SHOC1: variants seen among roughly 807,000 people sequenced by gnomAD.
SHOC1 encodes shortage in chiasmata 1.
SHOC1 carries 136 observed loss-of-function variants against 179.2 expected under a neutral mutation model. That is an observed-to-expected ratio of 0.76 (90% CI 0.66 to 0.87). SHOC1 has a LOEUF of 0.87. Ranked by LOEUF, SHOC1 falls within the 40% of genes least tolerant of loss-of-function variation. The pLI is 0.00. For synonymous variants in SHOC1, 489 were observed against 586.6 expected, an observed-to-expected ratio of 0.83 and a Z score of 2.41; for missense variants, 1,538 against 1,700.8, an observed-to-expected ratio of 0.90 and a Z score of 1.68.
chr9:111,770,545 TA>T (rs1835560463), intron 5 of SHOC1, among the ~76,000 whole-genome samples: 1 of 152,168 alleles, frequency 6.6e-6, no homozygotes, highest in South Asian at 2.1e-4. Context: ...AAATGTTCTG[TA>T]AATGTTAGTT....
intron 14 of SHOC1, 129 bp downstream of exon 14, chr9:111,723,663 G>T: frequency 1.1e-6 from 1 of 920,592 alleles, no homozygotes; most frequent in Non-Finnish European, 1.7e-6. Context: ...TTGAAAGTAG[G>T]AGTGGAATGA....
intron 18 of SHOC1, 82 bp downstream of exon 18, chr9:111,713,018 A>C: frequency 3.4e-6 from 3 of 874,356 alleles, no homozygotes; most frequent in Middle Eastern, 2.2e-4. Flanking sequence ...TTATGTCTTA[A>C]TTTTAAAAGC....
At chr9:111,782,216 T>TA (rs1564169354) in intron 3 of SHOC1, among the ~76,000 whole-genome samples, 1 of 151,626 alleles carries the variant, frequency 6.6e-6, no homozygotes, top group African/African-American at 2.4e-5. Flanking sequence ...CATATCAAAA[T>TA]AAAAAAAGAA....
intron 8 of SHOC1, among the ~76,000 whole-genome samples, chr9:111,748,627 CTTTCT>C (rs899340033): frequency 6.6e-6 from 1 of 152,128 alleles, no homozygotes; most frequent in African/African-American, 2.4e-5. Flanking sequence ...TTTCTTTTTT[CTTTCT>C]TTTATCTCCC....
chr9:111,778,431 G>A (rs1375399412), intron 4 of SHOC1, among the ~76,000 whole-genome samples: 1 of 152,086 alleles, frequency 6.6e-6, no homozygotes, highest in Non-Finnish European at 1.5e-5. Flanking sequence ...CTAAAAGGAA[G>A]ATAGACAAAT....
At position 111,700,182 on chromosome 9, in the gene SHOC1, T is replaced by TG. The variant is rs367721153; in HGVS notation, c.3090-136dup. 2.2e-4 allele frequency: 103 copies of TG among 470,420 alleles called. 2 individuals carry two copies. Among genetic ancestry groups the TG allele is most frequent in the Middle Eastern group, 1.7e-3 (3 of 1,778 alleles). The allele number at this position is 470,420 out of a possible 1,614,324, so 29.1% of individuals were successfully genotyped here. A position where few individuals can be genotyped will look rare whatever the true frequency, so the allele number is the denominator to read the frequency against. Reference sequence around the variant, plus strand: ...AGACAATACTAGTGTGGCAAATTTGTGGGGTTTTTTTTTCCACTCTGTACT... The same window carrying TG: ...AGACAATACTAGTGTGGCAAATTTGTGGGGGTTTTTTTTTCCACTCTGTACT... On this transcript the variant is annotated intron_variant, in intron 23 of 27. Coordinates refer to ENST00000682961, the MANE Select transcript of SHOC1 (RefSeq NM_001378211.1).
chr9:111,746,190 T>C, intron 10 of SHOC1, 44 bp downstream of exon 10: 1 of 1,279,716 alleles, frequency 7.8e-7, no homozygotes. Flanking sequence ...AAAGACTGCT[T>C]GTTCTGAATT....
chr9:111,709,162 G>A lies in SHOC1; in HGVS notation c.2489-1238C>T, dbSNP rs543460166. On this transcript the variant is annotated intron_variant, in intron 18 of 27. Transcript: ENST00000682961. ...TCGAGACCAGCCTGGCCAACATGGC[G>A]AAGCCCTGTCTCTACTAAAAAAATA... Among the ~76,000 whole-genome samples the A allele has an allele frequency of 5.3e-5, 8 of 152,296 alleles. No individual in the cohort carries two copies. In the South Asian group the frequency reaches 1.0e-3, roughly 20 times the overall value.
At chr9:111,755,104 G>T (rs1291467169) in intron 8 of SHOC1, among the ~76,000 whole-genome samples, 1 of 152,172 alleles carries the variant, frequency 6.6e-6, no homozygotes, top group East Asian at 1.9e-4. Flanking sequence ...CTGTGGCAGT[G>T]ACTCTGTTTT....
chr9:111,743,381 A>T (rs140723160), intron 10 of SHOC1, among the ~76,000 whole-genome samples: 1 of 152,348 alleles, frequency 6.6e-6, no homozygotes, highest in East Asian at 1.9e-4. Flanking sequence ...ACAATTCATA[A>T]GTTTTAAATT....
At chr9:111,741,143 T>A (rs1834020186) in intron 11 of SHOC1, among the ~76,000 whole-genome samples, 1 of 152,208 alleles carries the variant, frequency 6.6e-6, no homozygotes, top group South Asian at 2.1e-4. Flanking sequence ...AGATTTTTTT[T>A]TATTTTTATT....
At chr9:111,737,474 C>A (rs1191709000) in intron 12 of SHOC1, among the ~76,000 whole-genome samples, 1 of 152,096 alleles carries the variant, frequency 6.6e-6, no homozygotes, top group Non-Finnish European at 1.5e-5. Flanking sequence ...CGAGACCAGC[C>A]TGGCCAACAT....
intron 5 of SHOC1, among the ~76,000 whole-genome samples, chr9:111,770,958 T>G (rs1835583600): frequency 6.6e-6 from 1 of 152,158 alleles, no homozygotes; most frequent in Non-Finnish European, 1.5e-5. Context: ...CTTGCTTTTT[T>G]AATTCCTTCA....
At chr9:111,753,840 A>T (rs1402429550) in intron 8 of SHOC1, among the ~76,000 whole-genome samples, 1 of 152,208 alleles carries the variant, frequency 6.6e-6, no homozygotes, top group African/African-American at 2.4e-5. Context: ...GAATCTAAAA[A>T]GCCGAACTTA....
rs373396219 is a variant in SHOC1, at chr9:111,714,544, A to C, written c.2316T>G (p.Ile772Met). 309 of 1,613,850 alleles carry C rather than the reference A, an allele frequency of 1.9e-4. No homozygotes were observed. The highest frequency in any genetic ancestry group is 2.5e-4 in the Non-Finnish European group (292 of 1,179,946). ...YLGDIWRQLE[I>M]VQFIRGKKPE... ...GCTTTTTCCCCCTAATAAACTGTAC[A>C]ATCTCCAGCTGTCTCCAAATGTCAC... Residue 772 changes from isoleucine (I) to methionine (M), a missense_variant, in exon 17 of 28, where the codon ATT becomes ATG. Physicochemically the swap from Ile to Met is conservative, Grantham distance 10. Transcript: ENST00000682961.
intron 10 of SHOC1, among the ~76,000 whole-genome samples, chr9:111,744,770 C>T (rs1834196113): frequency 1.3e-5 from 2 of 152,172 alleles, no homozygotes; most frequent in Admixed American, 1.3e-4. Flanking sequence ...TTTTAACTGG[C>T]GTAAGAAGCA....
chr9:111,742,921 A>G (rs1458940603), intron 10 of SHOC1, among the ~76,000 whole-genome samples: 3 of 152,230 alleles, frequency 2.0e-5, no homozygotes, highest in South Asian at 4.1e-4. Context: ...TCCAATATAG[A>G]CACACATTTT....
Position 111,691,716 on chromosome 9 carries a change from C to A in SHOC1, c.4261G>T (p.Glu1421Ter). 6.2e-7 allele frequency: 1 copy of A among 1,613,982 alleles called. No individual in the cohort carries two copies. The highest frequency in any genetic ancestry group is 8.5e-7 in the Non-Finnish European group (1 of 1,179,936). The change falls in exon 27 of 28, where the codon GAA (glutamate) becomes TAA (stop). Residue 1421 changes from glutamate (E) to a stop codon, truncating the protein, a stop_gained. Coordinates refer to ENST00000682961, the MANE Select transcript of SHOC1 (RefSeq NM_001378211.1). LOFTEE classifies it high-confidence loss of function. ...TCCAAACTGGGGACAGATGGTAATT[C>A]TCTCCAGAAAGTCTCATCTTTTGAA... ...ESSKDETFWR[E>*]LPSVPSLDLF...
chr9:111,696,283 T>A (rs1386738536), intron 24 of SHOC1, among the ~76,000 whole-genome samples: 1 of 152,186 alleles, frequency 6.6e-6, no homozygotes, highest in Non-Finnish European at 1.5e-5. Context: ...GTTCTTCAGA[T>A]GCCTGAAAAT....
Sources: allele counts gnomAD v4.1 joint callset (sites outside exome capture counted in the v4.1 genomes callset), GRCh38; gene constraint gnomAD v4.1.1; transcripts MANE v1.5; gene names NCBI Gene and HGNC (gene_info 2026-07-23, HGNC 2026-07-21).